MICAL2: variants seen among roughly 807,000 people sequenced by gnomAD.
The protein encoded by MICAL2 is microtubule associated monooxygenase, calponin and LIM domain containing 2, also known as [F-actin]-monooxygenase MICAL2.
In MICAL2, 77 loss-of-function variants were observed where a neutral mutation model predicts 127.3. The observed-to-expected ratio is 0.60, with a 90% confidence interval of 0.50 to 0.73. The LOEUF (loss-of-function observed/expected upper bound fraction) is 0.73, where lower values mean the gene tolerates loss of function less well. Among genes scored for constraint, MICAL2 ranks in the 30% least tolerant of loss-of-function variants. MICAL2 has a pLI of 0.00. For synonymous variants in MICAL2, 570 were observed against 551.1 expected (o/e 1.03, Z -0.48); for missense variants, 1,351 against 1,434.4 (o/e 0.94, Z 0.94).
chr11:12,152,278 A>G (rs1853666244), intron 2 of MICAL2, among the ~76,000 whole-genome samples: 1 of 147,474 alleles, frequency 6.8e-6, no homozygotes, highest in Admixed American at 6.8e-5. Flanking sequence ...AGCTTTGGCA[A>G]CAAAGCAAGA....
chr11:12,330,861 TAGAG>T (rs1158050371), intron 32 of MICAL2, among the ~76,000 whole-genome samples: 2,395 of 66,750 alleles, frequency 0.036, 28 homozygotes, highest in East Asian at 0.04. Flanking sequence ...GAGAGAGGGG[TAGAG>T]AGAGAGAGAG....
At chr11:12,251,553 C>T (rs1236457614) in intron 22 of MICAL2, among the ~76,000 whole-genome samples, 1 of 137,134 alleles carries the variant, frequency 7.3e-6, no homozygotes, top group Non-Finnish European at 1.5e-5. Context: ...TACTGATTTC[C>T]TTAAGGGTGC....
chr11:12,283,810 C>T (rs555056836), intron 2 of MICAL2, among the ~76,000 whole-genome samples: 1 of 152,316 alleles, frequency 6.6e-6, no homozygotes, highest in Non-Finnish European at 1.5e-5. Context: ...GTTCACAGAG[C>T]GTGCCCAAGA....
In MICAL2 at chr11:12,262,534, TA is replaced by T; in HGVS notation, c.*16del. The T allele has an allele frequency of 6.2e-7, 1 of 1,612,028 alleles. No individual in the cohort carries two copies. Among genetic ancestry groups the T allele is most frequent in the Non-Finnish European group, 8.5e-7 (1 of 1,178,194 alleles). ...CTTCTTGGCTGACACACTTCTGCTC[TA>T]AGGTGACTGGTTTTCTTGCCAATTT... On this transcript the variant is annotated splice_region_variant and 3_prime_UTR_variant, in exon 27 of 28. Transcript: ENST00000683283.
At chr11:12,120,508 C>T (rs1419852741) in intron 1 of MICAL2, among the ~76,000 whole-genome samples, 4 of 152,058 alleles carry the variant, frequency 2.6e-5, no homozygotes, top group Non-Finnish European at 5.9e-5. Context: ...ACAAGCTCAC[C>T]TGTGGCTGAA....
At chr11:12,354,274 C>T (rs898933380) in intron 33 of MICAL2, among the ~76,000 whole-genome samples, 2 of 152,136 alleles carry the variant, frequency 1.3e-5, no homozygotes, top group African/African-American at 2.4e-5. Context: ...GTCAGGAGTT[C>T]GAGACCAGCC....
chr11:12,210,285 T>A (rs1440513203), intron 6 of MICAL2, among the ~76,000 whole-genome samples: 1 of 152,134 alleles, frequency 6.6e-6, no homozygotes, highest in Admixed American at 6.5e-5. Flanking sequence ...GACTGATCCA[T>A]CCACAGGCTG....
chr11:12,360,217 C>T (rs1205665292), downstream of MICAL2, among the ~76,000 whole-genome samples: 1 of 151,042 alleles, frequency 6.6e-6, no homozygotes, highest in Non-Finnish European at 1.5e-5. Flanking sequence ...AAAACTGTAC[C>T]ACTTCTGGAT....
At chr11:12,310,757 C>T (rs1864164654) in intron 29 of MICAL2, among the ~76,000 whole-genome samples, 1 of 151,932 alleles carries the variant, frequency 6.6e-6, no homozygotes, top group Non-Finnish European at 1.5e-5. Context: ...CTGTAGATGG[C>T]TTTGGGTAGT....
chr11:12,259,601 A>T (rs1862822958), intron 25 of MICAL2, 194 bp from the exon 26 acceptor site: 1 of 455,544 alleles, frequency 2.2e-6, no homozygotes, highest in African/African-American at 2.0e-5. Flanking sequence ...AAGGCTCGTG[A>T]CTCCTATGGT....
chr11:12,286,495 A>T (rs1863828465), intron 2 of MICAL2, among the ~76,000 whole-genome samples: 1 of 152,242 alleles, frequency 6.6e-6, no homozygotes, highest in African/African-American at 2.4e-5. Context: ...ATGCATGTAG[A>T]TGCTCACTGA....
chr11:12,129,807 A>G (rs1370443455), intron 1 of MICAL2, among the ~76,000 whole-genome samples: 2 of 151,906 alleles, frequency 1.3e-5, no homozygotes, highest in African/African-American at 4.8e-5. Context: ...TCCTGGGCCC[A>G]GATGATCCTC....
In MICAL2 at chr11:12,189,068, C is replaced by T. The variant is rs1332197282; in HGVS notation, c.265-15182C>T. Among the ~76,000 whole-genome samples, 4 of 152,174 alleles carry T rather than the reference C, an allele frequency of 2.6e-5. No individual in the cohort carries two copies. In the East Asian group the frequency reaches 5.8e-4, roughly 22 times the overall value. On this transcript the variant is annotated intron_variant, in intron 3 of 27. Transcript: ENST00000683283. ...CTTAGAGCACAGTATCACCATTCTC[C>T]CACTCTGAGAACCTGAGTCAGTTTC... is the stretch of plus-strand genomic sequence containing the variant.
chr11:12,293,529 A>C, downstream of MICAL2: 3 of 1,539,874 alleles, frequency 1.9e-6, no homozygotes, highest in Non-Finnish European at 2.6e-6. Flanking sequence ...GAAAATTTTT[A>C]AATAACTGCT....
rs187429931 is a variant in MICAL2 at position 12,326,264 on chromosome 11, C to A, written c.5422-909C>A. Among the ~76,000 whole-genome samples the A allele has an allele frequency of 1.2e-3, 179 of 152,300 alleles. No individual in the cohort carries two copies. The Middle Eastern group carries it at 0.014, about 12-fold the overall frequency. On this transcript the variant is annotated intron_variant, in intron 31 of 34. Transcript: ENST00000646065. ...ACAACTGACTGTTCCTTGAATATGC[C>A]TGTTCTGCCAGGTGCAAAGTCTGTT...
intron 29 of MICAL2, among the ~76,000 whole-genome samples, chr11:12,307,223 A>C (rs767742679): frequency 1.3e-5 from 2 of 152,134 alleles, no homozygotes; most frequent in Non-Finnish European, 2.9e-5. Context: ...TAATGTATGA[A>C]TTTTTTATTT....
In MICAL2 at chr11:12,256,787, A is replaced by T; in HGVS notation, c.2958A>T (p.Glu986Asp). The change falls in exon 24 of 28, where the codon GAA becomes GAT. Residue 986 changes from glutamate to aspartate, a missense_variant and splice_region_variant. This residue lies in a region of MICAL2 where 752 missense variants were observed against 719.4 expected (regional missense o/e 1.05). Transcript: ENST00000683283. ...CACTCTTCTCTCCCGATCCCCAGGA[A>T]TCTATGCGAAAGTCATTTCCCCTTA... is the stretch of plus-strand genomic sequence containing the variant. ...PKAQATSPDL[E>D]SMRKSFPLNL... 1 of 1,609,550 alleles carries T rather than the reference A, an allele frequency of 6.2e-7. No homozygotes were observed. The highest frequency in any genetic ancestry group is 1.1e-5 in the South Asian group (1 of 90,326).
At chr11:12,300,731 C>T (rs1864037523) in intron 29 of MICAL2, among the ~76,000 whole-genome samples, 1 of 152,150 alleles carries the variant, frequency 6.6e-6, no homozygotes, top group African/African-American at 2.4e-5. Flanking sequence ...ACCTGCAGCC[C>T]AGCTGACACT....
intron 1 of MICAL2, among the ~76,000 whole-genome samples, chr11:12,113,681 T>G (rs998585498): frequency 1.3e-5 from 2 of 152,240 alleles, no homozygotes; most frequent in African/African-American, 4.8e-5. Context: ...AATTGTTCTA[T>G]TTTATCATTA....
Sources: allele counts gnomAD v4.1 joint callset (sites outside exome capture counted in the v4.1 genomes callset), GRCh38; gene constraint gnomAD v4.1.1; regional missense constraint gnomAD v4.1.1; transcripts MANE v1.5; gene names NCBI Gene and HGNC (gene_info 2026-07-23, HGNC 2026-07-21).